The following RBFOX3 variants were observed in gnomAD, a reference collection of about 807,000 sequenced individuals.
The protein encoded by RBFOX3 is RNA binding protein fox-1 homolog 3.
A neutral mutation model predicts 48.7 loss-of-function variants in RBFOX3; 17 were observed. That is an observed-to-expected ratio of 0.35 (90% CI 0.24 to 0.52). The LOEUF (loss-of-function observed/expected upper bound fraction) is 0.52. Ranked by LOEUF, RBFOX3 falls within the 20% of genes least tolerant of loss-of-function variation. RBFOX3 has a pLI of 0.94. For synonymous variants in RBFOX3, 212 were observed against 209.5 expected (o/e 1.01, Z -0.10); for missense variants, 382 against 497.5 (o/e 0.77, Z 2.21).
At chr17:79,491,602 C>T (rs899257506) in intron 1 of RBFOX3, among the ~76,000 whole-genome samples, 83 of 152,094 alleles carry the variant, frequency 5.5e-4, no homozygotes, top group African/African-American at 2.0e-3. Context: ...TCCCGGGTTT[C>T]GGGTTTGTCC....
chr17:79,240,598 G>A (rs1002902901), intron 3 of RBFOX3, among the ~76,000 whole-genome samples: 4 of 152,188 alleles, frequency 2.6e-5, no homozygotes, highest in Non-Finnish European at 4.4e-5. Context: ...TCCTACCCTT[G>A]ATACCAAGAT....
chr17:79,109,785 C>G (rs1300518968), intron 5 of RBFOX3, among the ~76,000 whole-genome samples: 1 of 152,158 alleles, frequency 6.6e-6, no homozygotes, highest in Admixed American at 6.5e-5. Context: ...ATGGTGGGAA[C>G]CAGCCCCGCG....
At chr17:79,379,612 C>T (rs935081336) in intron 2 of RBFOX3, among the ~76,000 whole-genome samples, 6 of 152,202 alleles carry the variant, frequency 3.9e-5, no homozygotes, top group African/African-American at 1.4e-4. Context: ...ACCTCGGAGA[C>T]TCAGCCTCTC....
intron 2 of RBFOX3, among the ~76,000 whole-genome samples, chr17:79,351,756 G>T (rs2083980894): frequency 6.6e-6 from 1 of 152,146 alleles, no homozygotes; most frequent in African/African-American, 2.4e-5. Context: ...GATATGATGT[G>T]CAAATATCTT....
At chr17:79,261,335 G>A (rs2148468252) in intron 3 of RBFOX3, among the ~76,000 whole-genome samples, 1 of 152,348 alleles carries the variant, frequency 6.6e-6, no homozygotes, top group African/African-American at 2.4e-5. Flanking sequence ...GGGGGCACGA[G>A]CACCCCGAAG....
At chr17:79,301,799 G>T (rs1345862875) in intron 3 of RBFOX3, among the ~76,000 whole-genome samples, 1 of 152,186 alleles carries the variant, frequency 6.6e-6, no homozygotes, top group Non-Finnish European at 1.5e-5. Flanking sequence ...CCTGACACAG[G>T]CCACAATGTG....
rs565739014 is a variant in RBFOX3 at position 79,437,597 on chromosome 17, C to T, written c.-175+44857G>A. On this transcript the variant is annotated intron_variant, in intron 2 of 14. Coordinates refer to ENST00000693108, the MANE Select transcript of RBFOX3 (RefSeq NM_001350451.2). ...GTGGAGGAGCAACAGGCAGATAGAT[C>T]CATGTGGGGATGGGAGGCAGACAGA... is the stretch of plus-strand genomic sequence containing the variant. Among the ~76,000 whole-genome samples, 5 of 152,268 alleles carry T rather than the reference C, an allele frequency of 3.3e-5. No homozygotes were observed. The East Asian group carries it at 5.8e-4, about 18-fold the overall frequency.
chr17:79,422,122 G>C (rs1050154119), intron 2 of RBFOX3, among the ~76,000 whole-genome samples: 4 of 152,124 alleles, frequency 2.6e-5, no homozygotes, highest in Non-Finnish European at 4.4e-5. Flanking sequence ...TGTGGGCCGG[G>C]GAGGAGAGGA....
At chr17:79,601,839 G>C (rs909446385) in intron 1 of RBFOX3, 138 of 152,292 alleles carry the variant, frequency 9.1e-4, no homozygotes, top group African/African-American at 3.1e-3. Context: ...TATTTTAAAA[G>C]TCCAAGAGGC....
chr17:79,656,813 A>AAGAG, the RBFOX3 span, among the ~76,000 whole-genome samples: 11 of 73,630 alleles, frequency 1.5e-4, no homozygotes, highest in African/African-American at 5.8e-4. Context: ...AAAGAAAAGA[A>AAGAG]AGAGAAAGAA....
intron 2 of RBFOX3, among the ~76,000 whole-genome samples, chr17:79,365,069 T>C (rs1007176477): frequency 6.6e-6 from 1 of 152,160 alleles, no homozygotes; most frequent in African/African-American, 2.4e-5. Context: ...TTGGTATTTA[T>C]TGGGCCCCCA....
chr17:79,134,432 G>C (rs2039692149), intron 4 of RBFOX3, among the ~76,000 whole-genome samples: 1 of 152,228 alleles, frequency 6.6e-6, no homozygotes, highest in Non-Finnish European at 1.5e-5. Context: ...TGTGGGTACA[G>C]AACCCCTGGG....
the RBFOX3 span, among the ~76,000 whole-genome samples, chr17:79,663,036 A>G: frequency 6.6e-6 from 1 of 152,198 alleles, no homozygotes; most frequent in Non-Finnish European, 1.5e-5. Context: ...ACCACGTTTT[A>G]TTCCCTGGTT....
At chr17:79,325,723 C>G (rs1449899594) in intron 2 of RBFOX3, among the ~76,000 whole-genome samples, 1 of 152,202 alleles carries the variant, frequency 6.6e-6, no homozygotes, top group Non-Finnish European at 1.5e-5. Flanking sequence ...CCTACCTCCC[C>G]CTCCGTTGCC....
At chr17:79,621,888 G>A in the RBFOX3 span, among the ~76,000 whole-genome samples, 1 of 151,734 alleles carries the variant, frequency 6.6e-6, no homozygotes, top group Non-Finnish European at 1.5e-5. Flanking sequence ...AAGATCGAGC[G>A]TGTGTTCATG....
intron 1 of RBFOX3, among the ~76,000 whole-genome samples, chr17:79,517,846 C>T: frequency 6.6e-6 from 1 of 152,224 alleles, no homozygotes; most frequent in South Asian, 2.1e-4. Context: ...ACTTCAGGAG[C>T]CGCCTCGCCT....
At chr17:79,568,584 G>A (rs1184537479) in intron 1 of RBFOX3, among the ~76,000 whole-genome samples, 1 of 152,164 alleles carries the variant, frequency 6.6e-6, no homozygotes, top group Non-Finnish European at 1.5e-5. Flanking sequence ...AAAGCTGGGG[G>A]TAATGCCCCT....
At chr17:79,134,307 T>C (rs1309658083) in intron 4 of RBFOX3, among the ~76,000 whole-genome samples, 5 of 152,256 alleles carry the variant, frequency 3.3e-5, no homozygotes, top group Non-Finnish European at 5.9e-5. Flanking sequence ...CCTGGTGGAA[T>C]GTGGTTGGAA....
At chr17:79,420,519 G>T (rs996779287) in intron 2 of RBFOX3, among the ~76,000 whole-genome samples, 2 of 152,140 alleles carry the variant, frequency 1.3e-5, no homozygotes, top group African/African-American at 4.8e-5. Flanking sequence ...CCATGTCCAG[G>T]CTCTGTCCAG....
Sources: allele counts gnomAD v4.1 joint callset (sites outside exome capture counted in the v4.1 genomes callset), GRCh38; gene constraint gnomAD v4.1.1; transcripts MANE v1.5; gene names NCBI Gene and HGNC (gene_info 2026-07-23, HGNC 2026-07-21).